NME7: variants seen among roughly 807,000 people sequenced by gnomAD.
The protein encoded by NME7 is NME/NM23 family member 7.
NME7 carries 41 observed loss-of-function variants against 49.1 expected under a neutral mutation model. The ratio of observed to expected loss-of-function variants is 0.83; its 90% CI spans 0.65 to 1.08. The LOEUF (loss-of-function observed/expected upper bound fraction) is 1.08, where lower values mean the gene tolerates loss of function less well. Ranked by LOEUF, NME7 falls within the 50% of genes least tolerant of loss-of-function variation. NME7 has a pLI of 0.00. For synonymous variants in NME7, 139 were observed against 150.6 expected (o/e 0.92, Z 0.56); for missense variants, 423 against 463.4 (o/e 0.91, Z 0.80).
chr1:169,361,801 G>C (rs10800439), intron 1 of NME7, among the ~76,000 whole-genome samples: 72,967 of 151,064 alleles, frequency 0.48, 18,683 homozygotes, highest in Non-Finnish European at 0.56. Flanking sequence ...AAAGGCAGGT[G>C]CTAAAAACAA....
At chr1:169,337,029 C>A (rs954009588) in intron 1 of NME7, among the ~76,000 whole-genome samples, 1 of 152,226 alleles carries the variant, frequency 6.6e-6, no homozygotes, top group East Asian at 1.9e-4. Flanking sequence ...GATCCCGCAC[C>A]GGGGCTGCAG....
At chr1:169,303,947 TA>T (rs949617841) in intron 4 of NME7, among the ~76,000 whole-genome samples, 6 of 152,238 alleles carry the variant, frequency 3.9e-5, no homozygotes, top group African/African-American at 1.4e-4. Context: ...ATTTAATGTT[TA>T]TAGCTTTTTT....
intron 10 of NME7, among the ~76,000 whole-genome samples, chr1:169,191,383 G>GA (rs913272003): frequency 1.4e-4 from 22 of 152,098 alleles, no homozygotes; most frequent in Middle Eastern, 3.4e-3. Context: ...TCAAACAAGA[G>GA]AAAAAAAGTC....
chr1:169,278,387 T>C (rs1017467241), intron 7 of NME7, among the ~76,000 whole-genome samples: 2 of 152,188 alleles, frequency 1.3e-5, no homozygotes, highest in Non-Finnish European at 2.9e-5. Flanking sequence ...TGTTTGTTTC[T>C]TTTTATTCTT....
At chr1:169,255,237 T>A (rs2101853678) in intron 7 of NME7, among the ~76,000 whole-genome samples, 1 of 138,634 alleles carries the variant, frequency 7.2e-6, no homozygotes, top group South Asian at 2.3e-4. Flanking sequence ...GCTTTATGAA[T>A]CTGGGTGCTC....
chr1:169,243,534 T>C (rs1648178627), intron 7 of NME7, among the ~76,000 whole-genome samples: 1 of 152,190 alleles, frequency 6.6e-6, no homozygotes. Context: ...GTGATAAAGG[T>C]AGGGCCTTTG....
At position 169,138,279 on chromosome 1, in the gene NME7, C is replaced by CCTT. The variant is rs1182298746; in HGVS notation, c.1099-5463_1099-5462insAAG. On this transcript the variant is annotated intron_variant, in intron 11 of 11. Coordinates refer to ENST00000367811, the MANE Select transcript of NME7 (RefSeq NM_013330.5). ...TGAGCTGAGATTGTGCCACTGCACT[C>CCTT]CAACCTGGGTGACAGGGCGAGACTC... Among the ~76,000 whole-genome samples the CCTT allele has an allele frequency of 2.6e-5, 4 of 151,672 alleles. No individual in the cohort carries two copies. The East Asian group carries it at 5.8e-4, about 22-fold the overall frequency.
At chr1:169,135,014 C>CAAAAAAAAAAAAAAAAAAAAAAA (rs58463903) in intron 11 of NME7, among the ~76,000 whole-genome samples, 3 of 50,390 alleles carry the variant, frequency 6.0e-5, no homozygotes, top group African/African-American at 2.2e-4. Flanking sequence ...CCCGTCTCTA[C>CAAAAAAAAAAAAAAAAAAAAAAA]AAAAAAAAAA....
chr1:169,268,596 T>C (rs548355379), intron 7 of NME7, among the ~76,000 whole-genome samples: 1 of 133,576 alleles, frequency 7.5e-6, no homozygotes, highest in East Asian at 2.0e-4. Context: ...CATGGAATAC[T>C]CTGCAGCCAT....
Position 169,298,710 on chromosome 1 carries a change from C to T in NME7, c.494G>A (p.Arg165Lys), listed in dbSNP as rs757543601. Reference protein sequence around the residue: ...TGPIIAMEILRDDAICEWKRL... With the variant: ...TGPIIAMEILKDDAICEWKRL... ...TTTCCATTCACATATAGCATCATCT[C>T]TTAAAATCTCCATGGCAATAATAGG... Residue 165 changes from arginine to lysine, a missense_variant, in exon 6 of 12, where the codon AGA (arginine) becomes AAA (lysine). Arg to Lys is a conservative substitution (Grantham distance 26). Coordinates refer to ENST00000367811, the MANE Select transcript of NME7 (RefSeq NM_013330.5). 3 of 1,613,818 alleles carry T rather than the reference C, an allele frequency of 1.9e-6. No individual in the cohort carries two copies. The South Asian group carries it at 3.3e-5, about 18-fold the overall frequency.
At chr1:169,280,177 T>C (rs1649946886) in intron 7 of NME7, among the ~76,000 whole-genome samples, 1 of 152,234 alleles carries the variant, frequency 6.6e-6, no homozygotes, top group South Asian at 2.1e-4. Flanking sequence ...AGATGGTATC[T>C]CATTGTAATT....
chr1:169,237,540 AG>A lies in NME7; in HGVS notation c.819+82del, dbSNP rs1281383574. ...TTTTTAATGTGGTTCATGAGTACAC[AG>A]GGAACATTCAATGTAAAGCATTTTA... On this transcript the variant is annotated intron_variant, in intron 8 of 11. Coordinates refer to ENST00000367811, the MANE Select transcript of NME7 (RefSeq NM_013330.5). 4 of 993,520 alleles carry A rather than the reference AG, an allele frequency of 4.0e-6. No individual in the cohort carries two copies. The Admixed American group carries it at 5.6e-5, about 14-fold the overall frequency. The allele number at this position is 993,520 out of a possible 1,614,324, so 61.5% of individuals were successfully genotyped here.
chr1:169,254,180 A>T (rs1648783271), intron 7 of NME7, among the ~76,000 whole-genome samples: 1 of 150,016 alleles, frequency 6.7e-6, no homozygotes, highest in African/African-American at 2.4e-5. Flanking sequence ...TCAGCTGTGA[A>T]TCCATCTGGT....
At chr1:169,327,473 C>T (rs780732850) in intron 1 of NME7, among the ~76,000 whole-genome samples, 5 of 151,974 alleles carry the variant, frequency 3.3e-5, no homozygotes, top group Admixed American at 3.3e-4. Flanking sequence ...ATTATTATAC[C>T]AGAAGTCTTG....
chr1:169,194,748 A>G (rs1478793397), intron 10 of NME7, among the ~76,000 whole-genome samples: 1 of 152,212 alleles, frequency 6.6e-6, no homozygotes, highest in African/African-American at 2.4e-5. Flanking sequence ...AGAAGATGCT[A>G]AGGCCAGAGA....
At chr1:169,145,467 T>A (rs1454841251) in intron 11 of NME7, among the ~76,000 whole-genome samples, 1 of 152,138 alleles carries the variant, frequency 6.6e-6, no homozygotes, top group Non-Finnish European at 1.5e-5. Context: ...TAAGGCCAGT[T>A]ATAGAAGCAC....
At chr1:169,210,842 C>T (rs888089125) in intron 10 of NME7, among the ~76,000 whole-genome samples, 2 of 152,126 alleles carry the variant, frequency 1.3e-5, no homozygotes, top group East Asian at 3.9e-4. Context: ...CGTTCTCTCC[C>T]GTTTCTGCTT....
chr1:169,235,455 T>C (rs1647820599), intron 8 of NME7, among the ~76,000 whole-genome samples: 1 of 152,054 alleles, frequency 6.6e-6, no homozygotes, highest in Non-Finnish European at 1.5e-5. Context: ...ATAGGTAGTA[T>C]TAATGGCTCC....
intron 10 of NME7, among the ~76,000 whole-genome samples, chr1:169,180,998 T>C (rs1278037207): frequency 6.6e-6 from 1 of 152,118 alleles, no homozygotes; most frequent in Admixed American, 6.5e-5. Flanking sequence ...CATTCTACAT[T>C]AAGGGCTGAG....
Sources: gnomAD v4.1 joint callset for allele counts (sites outside exome capture counted in the v4.1 genomes callset) on GRCh38, gnomAD v4.1.1 for gene constraint, MANE v1.5 for transcripts, NCBI Gene and HGNC (gene_info 2026-07-23, HGNC 2026-07-21) for gene names.